Variants in SBF2 observed in about 807,000 individuals in gnomAD.
SBF2 encodes the protein myotubularin-related protein 13.
A neutral mutation model predicts 225.2 loss-of-function variants in SBF2; 112 were observed. That is an observed-to-expected ratio of 0.50 (90% CI 0.43 to 0.58). The LOEUF (loss-of-function observed/expected upper bound fraction) is 0.58. Ranked by LOEUF, SBF2 falls within the 20% of genes least tolerant of loss-of-function variation. The pLI is 0.00. For synonymous variants in SBF2, 763 were observed against 773.3 expected, an observed-to-expected ratio of 0.99 and a Z score of 0.22; for missense variants, 1,996 against 2,206.2, an observed-to-expected ratio of 0.90 and a Z score of 1.91.
At chr11:9,908,884 C>T (rs552758492) in intron 16 of SBF2, among the ~76,000 whole-genome samples, 18 of 150,268 alleles carry the variant, frequency 1.2e-4, no homozygotes, top group Non-Finnish European at 2.4e-4. Context: ...GATGAGGTTC[C>T]GCCACGTTGC....
intron 1 of SBF2, among the ~76,000 whole-genome samples, chr11:10,284,557 T>A (rs954950980): frequency 6.6e-6 from 1 of 152,126 alleles, no homozygotes; most frequent in Non-Finnish European, 1.5e-5. Flanking sequence ...TTTTTCCAGT[T>A]TGTAAAAGAA....
chr11:10,146,855 A>T (rs916426386), intron 2 of SBF2, among the ~76,000 whole-genome samples: 4 of 152,136 alleles, frequency 2.6e-5, no homozygotes, highest in African/African-American at 9.7e-5. Flanking sequence ...AACTCTAAGG[A>T]ACTTAAATTT....
chr11:10,081,554 A>G (rs993024999), intron 2 of SBF2, among the ~76,000 whole-genome samples: 1 of 152,024 alleles, frequency 6.6e-6, no homozygotes, highest in African/African-American at 2.4e-5. Flanking sequence ...AGGTCAGGAG[A>G]TCGAGACCAT....
At chr11:10,061,760 A>G (rs1950454809) in intron 2 of SBF2, among the ~76,000 whole-genome samples, 1 of 152,192 alleles carries the variant, frequency 6.6e-6, no homozygotes. Context: ...TAAAATGGCT[A>G]CCTTGCCCAA....
At chr11:9,809,544 AT>A (rs35374748) in intron 30 of SBF2, among the ~76,000 whole-genome samples, 26,895 of 136,114 alleles carry the variant, frequency 0.2, 2,306 homozygotes, top group Non-Finnish European at 0.24. Flanking sequence ...TGTTTCAGAC[AT>A]TTTTTTTTTT....
At chr11:9,783,579 G>C (rs569580790) in intron 38 of SBF2, among the ~76,000 whole-genome samples, 3 of 152,240 alleles carry the variant, frequency 2.0e-5, no homozygotes, top group African/African-American at 7.2e-5. Context: ...GTGCAGAGTT[G>C]CTGGAGGTTT....
At chr11:10,071,407 C>CTGT (rs1269353826) in intron 2 of SBF2, among the ~76,000 whole-genome samples, 4 of 151,906 alleles carry the variant, frequency 2.6e-5, no homozygotes, top group Admixed American at 6.6e-5. Flanking sequence ...CCTGGGACTA[C>CTGT]AAGCGCCCGC....
chr11:9,992,889 A>G, intron 11 of SBF2, 101 bp downstream of exon 11: 1 of 800,424 alleles, frequency 1.2e-6, no homozygotes. Flanking sequence ...ATCACATTTG[A>G]TAAATCAAGG....
At chr11:9,794,646 C>T (rs565469277) in intron 33 of SBF2, among the ~76,000 whole-genome samples, 4 of 109,250 alleles carry the variant, frequency 3.7e-5, no homozygotes, top group African/African-American at 1.4e-4. Flanking sequence ...GCCTTGGAGA[C>T]AGAGTGATAC....
chr11:9,989,439 C>T (rs549875156), intron 13 of SBF2, 58 bp downstream of exon 13: 194 of 1,154,952 alleles, frequency 1.7e-4, no homozygotes, highest in Non-Finnish European at 2.2e-4. Flanking sequence ...CAATAACTTA[C>T]GGAAAAATAA....
intron 16 of SBF2, among the ~76,000 whole-genome samples, chr11:9,904,686 C>A (rs1861987580): frequency 6.6e-6 from 1 of 152,168 alleles, no homozygotes; most frequent in Non-Finnish European, 1.5e-5. Context: ...GTACCCAGAA[C>A]TGTTCACATG....
At chr11:10,005,810 T>C (rs146539462) in intron 6 of SBF2, among the ~76,000 whole-genome samples, 2 of 152,310 alleles carry the variant, frequency 1.3e-5, no homozygotes, top group Non-Finnish European at 2.9e-5. Flanking sequence ...GTACACAGTT[T>C]CGTTTGCTCT....
intron 17 of SBF2, among the ~76,000 whole-genome samples, chr11:9,858,902 A>G (rs184306654): frequency 4.6e-4 from 70 of 152,280 alleles, no homozygotes; most frequent in African/African-American, 1.6e-3. Context: ...CACTTTTCCT[A>G]CTGCTCATTC....
At chr11:10,244,875 C>T (rs1236327702) in intron 1 of SBF2, among the ~76,000 whole-genome samples, 1 of 152,068 alleles carries the variant, frequency 6.6e-6, no homozygotes, top group Admixed American at 6.6e-5. Flanking sequence ...GTGGTGCATG[C>T]CTGTAATCCC....
At chr11:10,276,993 A>G (rs1963001385) in intron 1 of SBF2, among the ~76,000 whole-genome samples, 1 of 152,190 alleles carries the variant, frequency 6.6e-6, no homozygotes, top group South Asian at 2.1e-4. Context: ...GCACTTTGGG[A>G]GGCCAAGGCA....
At chr11:9,959,558 A>C in intron 16 of SBF2, 1 of 774,908 alleles carries the variant, frequency 1.3e-6, no homozygotes, top group Non-Finnish European at 2.4e-6. Context: ...GGGTCCCAAA[A>C]CATGGCAGCA....
rs555464039 is a variant in SBF2, at chr11:10,282,161, T to A, written c.55+11854A>T. ...ACATTTTCAGCACATTTGACATTTG[T>A]TATTTCCTCCTCCTTGAAATTCTAT... is the stretch of plus-strand genomic sequence containing the variant. On this transcript the variant is annotated intron_variant, in intron 1 of 39. Transcript: ENST00000256190. 5.4e-4 allele frequency among the ~76,000 whole-genome samples: 82 copies of A among 152,330 alleles called. 1 individual carries two copies. In the South Asian group the frequency reaches 0.017, roughly 31 times the overall value.
chr11:10,279,604 G>A (rs1963256571), intron 1 of SBF2, among the ~76,000 whole-genome samples: 1 of 152,000 alleles, frequency 6.6e-6, no homozygotes, highest in Non-Finnish European at 1.5e-5. Context: ...ATGCCTACGT[G>A]ACCTGTCACC....
At chr11:9,904,335 A>C (rs1861957338) in intron 16 of SBF2, among the ~76,000 whole-genome samples, 1 of 152,190 alleles carries the variant, frequency 6.6e-6, no homozygotes, top group South Asian at 2.1e-4. Context: ...TCTTTAAGGC[A>C]AAATGCATTA....
Sources: gnomAD v4.1 joint callset for allele counts (sites outside exome capture counted in the v4.1 genomes callset) on GRCh38, gnomAD v4.1.1 for gene constraint, MANE v1.5 for transcripts, NCBI Gene and HGNC (gene_info 2026-07-23, HGNC 2026-07-21) for gene names.